Variants in SCAPER observed in about 807,000 individuals in gnomAD.
The protein encoded by SCAPER is S-phase cyclin A associated protein in the ER.
Under a neutral mutation model 182.2 loss-of-function variants are expected in SCAPER, and 98 were observed. The observed-to-expected ratio is 0.54, with a 90% confidence interval of 0.46 to 0.64. SCAPER has a LOEUF of 0.64. Ranked by LOEUF, SCAPER falls within the 30% of genes least tolerant of loss-of-function variation. The probability of loss-of-function intolerance (pLI) is 0.00; values close to 1 mark genes in which losing one functional copy is unlikely to be tolerated. For missense variants in SCAPER, 1,432 were observed against 1,690.0 expected, an observed-to-expected ratio of 0.85 and a Z score of 2.68; for synonymous variants, 605 against 564.6, an observed-to-expected ratio of 1.07 and a Z score of -1.01.
intron 25 of SCAPER, among the ~76,000 whole-genome samples, chr15:76,452,609 G>A (rs549550971): frequency 1.3e-5 from 2 of 152,216 alleles, no homozygotes; most frequent in South Asian, 2.1e-4. Context: ...TTCCCATAAG[G>A]AAGACATTTT....
In SCAPER at chr15:76,801,946, T is replaced by C. The variant is rs918215828; in HGVS notation, c.495-1582A>G. On this transcript the variant is annotated intron_variant, in intron 6 of 31. Transcript: ENST00000563290. Reference sequence around the variant, plus strand: ...AAAAAGGGATGCCTCAGGTATATTTTTGAACCACAGTGCCAAGAGAGGAAT... The same window carrying C: ...AAAAAGGGATGCCTCAGGTATATTTCTGAACCACAGTGCCAAGAGAGGAAT... Among the ~76,000 whole-genome samples the C allele has an allele frequency of 5.3e-5, 8 of 152,144 alleles. No homozygotes were observed. In the East Asian group the frequency reaches 1.2e-3, roughly 22 times the overall value.
intron 1 of SCAPER, among the ~76,000 whole-genome samples, chr15:76,902,102 T>C (rs1351334506): frequency 2.0e-5 from 3 of 152,094 alleles, no homozygotes; most frequent in Non-Finnish European, 4.4e-5. Context: ...AGCCAATCAG[T>C]GAAAGCCAAA....
chr15:76,664,516 T>C (rs1320973886), intron 21 of SCAPER, among the ~76,000 whole-genome samples: 2 of 152,136 alleles, frequency 1.3e-5, no homozygotes, highest in Non-Finnish European at 2.9e-5. Context: ...AGGTTTGTTT[T>C]GGACATACTA....
At chr15:76,857,969 A>T in intron 3 of SCAPER, 90 bp from the exon 4 acceptor site, 1 of 875,566 alleles carries the variant, frequency 1.1e-6, no homozygotes, top group Non-Finnish European at 1.8e-6. Context: ...ATGTAAACCT[A>T]AACTACGCAA....
chr15:76,822,427 CTAAA>C (rs2067654270), intron 5 of SCAPER, among the ~76,000 whole-genome samples: 1 of 152,136 alleles, frequency 6.6e-6, no homozygotes, highest in South Asian at 2.1e-4. Flanking sequence ...TAATACAAAG[CTAAA>C]TAAATAAAGG....
intron 23 of SCAPER, among the ~76,000 whole-genome samples, chr15:76,530,922 T>C (rs992323743): frequency 4.6e-5 from 7 of 151,462 alleles, no homozygotes; most frequent in Non-Finnish European, 8.8e-5. Context: ...TATATATGTA[T>C]ATATGTATGT....
At position 76,818,940 on chromosome 15, in the gene SCAPER, T is replaced by C. The variant is rs568224693; in HGVS notation, c.394-14307A>G. On this transcript the variant is annotated intron_variant, in intron 5 of 31. Transcript: ENST00000563290. Reference sequence around the variant, plus strand: ...ACAAACGGCACACCAGGAGATTATATCCCGCACATGGCTCGGAGGGTCCTA... The same window carrying C: ...ACAAACGGCACACCAGGAGATTATACCCCGCACATGGCTCGGAGGGTCCTA... Among the ~76,000 whole-genome samples, 3 of 152,330 alleles carry C rather than the reference T, an allele frequency of 2.0e-5. No homozygotes were observed. In the South Asian group the frequency reaches 6.2e-4, roughly 32 times the overall value.
chr15:76,774,059 A>G (rs1270778831), intron 9 of SCAPER, among the ~76,000 whole-genome samples: 1 of 151,922 alleles, frequency 6.6e-6, no homozygotes, highest in South Asian at 2.1e-4. Context: ...TTAGCAAATT[A>G]CACTCAATTT....
intron 21 of SCAPER, among the ~76,000 whole-genome samples, chr15:76,656,714 C>T (rs2055667652): frequency 6.6e-6 from 1 of 151,996 alleles, no homozygotes; most frequent in Admixed American, 6.6e-5. Flanking sequence ...ACCACAGCAC[C>T]ACAGAAGTAG....
chr15:76,476,375 G>A (rs1382966523), intron 24 of SCAPER, among the ~76,000 whole-genome samples: 3 of 151,988 alleles, frequency 2.0e-5, no homozygotes, highest in East Asian at 1.9e-4. Context: ...CAATCTAGAA[G>A]TCTTACAACA....
intron 5 of SCAPER, among the ~76,000 whole-genome samples, chr15:76,826,473 G>T (rs1317132534): frequency 1.3e-5 from 2 of 150,916 alleles, no homozygotes; most frequent in Non-Finnish European, 2.9e-5. Context: ...GATGACGAGT[G>T]AGTGGGTGCA....
At chr15:76,672,256 T>C (rs978461144) in intron 20 of SCAPER, among the ~76,000 whole-genome samples, 1 of 152,158 alleles carries the variant, frequency 6.6e-6, no homozygotes, top group Admixed American at 6.5e-5. Flanking sequence ...AGAATGGCTA[T>C]CCTAAAACAT....
At chr15:76,367,668 G>T (rs1567002190) in intron 29 of SCAPER, among the ~76,000 whole-genome samples, 1 of 152,102 alleles carries the variant, frequency 6.6e-6, no homozygotes, top group Non-Finnish European at 1.5e-5. Flanking sequence ...AGTAAAAAAT[G>T]TATCTAGTGT....
At chr15:76,645,165 G>T (rs1051348573) in intron 21 of SCAPER, among the ~76,000 whole-genome samples, 2 of 152,094 alleles carry the variant, frequency 1.3e-5, no homozygotes, top group African/African-American at 4.8e-5. Context: ...AGGAGGATGT[G>T]TGTAAGTTAT....
chr15:76,534,307 A>C (rs1174480922), intron 23 of SCAPER, among the ~76,000 whole-genome samples: 4 of 152,230 alleles, frequency 2.6e-5, no homozygotes, highest in African/African-American at 9.6e-5. Flanking sequence ...AATCAAGAAA[A>C]CAAAGATCTT....
At position 76,501,345 on chromosome 15, in the gene SCAPER, T is replaced by TA. The variant is rs35025661; in HGVS notation, c.2954+3513dup. Reference sequence around the variant, plus strand: ...AGTAGGTATAACTCTCAATTTCATGTAAAAAAAAAAAAAAAAAAGCTTCTG... The same window carrying TA: ...AGTAGGTATAACTCTCAATTTCATGTAAAAAAAAAAAAAAAAAAAGCTTCTG... On this transcript the variant is annotated intron_variant, in intron 24 of 31. Transcript: ENST00000563290. 6.7e-3 allele frequency among the ~76,000 whole-genome samples: 846 copies of TA among 126,962 alleles called. 12 individuals are homozygous for TA. The highest frequency in any genetic ancestry group is 0.038 in the East Asian group (164 of 4,272). 83.3% of individuals were successfully genotyped at this position (126,962 alleles called of 152,430 possible).
Position 76,647,179 on chromosome 15 carries a change from A to C in SCAPER, c.2645+18474T>G, listed in dbSNP as rs375549598. 4.6e-5 allele frequency among the ~76,000 whole-genome samples: 7 copies of C among 152,350 alleles called. No homozygotes were observed. The East Asian group carries it at 5.8e-4, about 13-fold the overall frequency. ...TCCTAGTAGGAGAAAGCTAATGTGT[A>C]AATATATAAACAGTTGAAATACACA... is the stretch of plus-strand genomic sequence containing the variant. On this transcript the variant is annotated intron_variant, in intron 21 of 31. Transcript: ENST00000563290.
At chr15:76,727,329 T>C (rs2060655806) in intron 17 of SCAPER, among the ~76,000 whole-genome samples, 1 of 151,718 alleles carries the variant, frequency 6.6e-6, no homozygotes, top group African/African-American at 2.4e-5. Context: ...AAAAATAAGG[T>C]GAAGGATAGT....
At chr15:76,716,678 AG>A (rs1325168203) in intron 17 of SCAPER, among the ~76,000 whole-genome samples, 1 of 151,900 alleles carries the variant, frequency 6.6e-6, no homozygotes, top group East Asian at 1.9e-4. Flanking sequence ...AATACCACAG[AG>A]GGTTCAACAG....
Sources: allele counts gnomAD v4.1 joint callset (sites outside exome capture counted in the v4.1 genomes callset), GRCh38; gene constraint gnomAD v4.1.1; transcripts MANE v1.5; gene names NCBI Gene and HGNC (gene_info 2026-07-23, HGNC 2026-07-21).